CAMK4: variants seen among roughly 807,000 people sequenced by gnomAD.
CAMK4 encodes the protein calcium/calmodulin dependent protein kinase IV.
In CAMK4, 22 loss-of-function variants were observed where a neutral mutation model predicts 44.9. That is an observed-to-expected ratio of 0.49 (90% confidence interval 0.35 to 0.70). The LOEUF (loss-of-function observed/expected upper bound fraction) is 0.70. Among genes scored for constraint, CAMK4 ranks in the 30% least tolerant of loss-of-function variants. CAMK4 has a pLI of 0.01. For synonymous variants in CAMK4, 218 were observed against 215.4 expected, an observed-to-expected ratio of 1.01 and a Z score of -0.11; for missense variants, 498 against 586.8, an observed-to-expected ratio of 0.85 and a Z score of 1.56.
At chr5:111,300,721 T>G (rs1580551583) in intron 1 of CAMK4, among the ~76,000 whole-genome samples, 1 of 152,154 alleles carries the variant, frequency 6.6e-6, no homozygotes, top group Admixed American at 6.5e-5. Flanking sequence ...CTATTTTAAA[T>G]TGGCTGGAGA....
intron 5 of CAMK4, among the ~76,000 whole-genome samples, chr5:111,399,609 G>T (rs1752148349): frequency 6.6e-6 from 1 of 152,118 alleles, no homozygotes; most frequent in African/African-American, 2.4e-5. Flanking sequence ...AAAACATGAA[G>T]AAAGAGCCAT....
intron 1 of CAMK4, among the ~76,000 whole-genome samples, chr5:111,228,506 A>AGG (rs1287969291): frequency 1.2e-4 from 11 of 91,170 alleles, no homozygotes; most frequent in South Asian, 3.6e-4. Flanking sequence ...TTCCATAGTA[A>AGG]GGGGTGTGTG....
At chr5:111,325,476 C>A (rs1467464945) in intron 1 of CAMK4, among the ~76,000 whole-genome samples, 1 of 152,126 alleles carries the variant, frequency 6.6e-6, no homozygotes. Context: ...TACACTCTCA[C>A]CAACGATGTA....
intron 7 of CAMK4, among the ~76,000 whole-genome samples, chr5:111,471,479 C>T (rs190272684): frequency 6.6e-6 from 1 of 152,158 alleles, no homozygotes; most frequent in African/African-American, 2.4e-5. Context: ...TTTTATAAAG[C>T]CTCAGTGATT....
At chr5:111,419,228 G>A (rs1752930120) in intron 5 of CAMK4, among the ~76,000 whole-genome samples, 1 of 152,186 alleles carries the variant, frequency 6.6e-6, no homozygotes, top group South Asian at 2.1e-4. Flanking sequence ...TCTTTTGGCT[G>A]CATAAATATC....
intron 6 of CAMK4, among the ~76,000 whole-genome samples, 177 bp from the exon 7 acceptor site, chr5:111,448,952 A>G (rs957745774): frequency 2.0e-5 from 3 of 152,220 alleles, no homozygotes; most frequent in African/African-American, 4.8e-5. Flanking sequence ...AAAGAAACAC[A>G]TGGATTGTTT....
chr5:111,446,014 A>T (rs1754015755), intron 5 of CAMK4, among the ~76,000 whole-genome samples: 1 of 152,240 alleles, frequency 6.6e-6, no homozygotes. Context: ...TGTTGCATGT[A>T]TGCTTATACG....
chr5:111,413,578 A>G (rs1160771783), intron 5 of CAMK4, among the ~76,000 whole-genome samples: 1 of 39,598 alleles, frequency 2.5e-5, no homozygotes, highest in Non-Finnish European at 5.0e-5. Flanking sequence ...CTCCATCTCA[A>G]AAAAAAAAAA....
At chr5:111,353,569 T>TTTAAAATC (rs1750202760) in intron 2 of CAMK4, among the ~76,000 whole-genome samples, 1 of 152,136 alleles carries the variant, frequency 6.6e-6, no homozygotes, top group African/African-American at 2.4e-5. Flanking sequence ...AAATTGTCTC[T>TTTAAAATC]GTAGATTATA....
At chr5:111,442,881 G>A (rs1359081038) in intron 5 of CAMK4, among the ~76,000 whole-genome samples, 1 of 148,886 alleles carries the variant, frequency 6.7e-6, no homozygotes, top group African/African-American at 2.5e-5. Context: ...AAATTAATAG[G>A]CATTTTAATT....
At chr5:111,243,013 T>C (rs1406015807) in intron 1 of CAMK4, among the ~76,000 whole-genome samples, 2 of 152,174 alleles carry the variant, frequency 1.3e-5, no homozygotes, top group Non-Finnish European at 2.9e-5. Flanking sequence ...ACACCTGGAT[T>C]GGGAGCTCCT....
intron 1 of CAMK4, among the ~76,000 whole-genome samples, chr5:111,248,975 G>C (rs1442707890): frequency 6.8e-6 from 1 of 147,178 alleles, no homozygotes; most frequent in Non-Finnish European, 1.5e-5. Context: ...TGTGTGGGGG[G>C]GTCACCTTAA....
At chr5:111,316,670 G>A (rs1748437575) in intron 1 of CAMK4, among the ~76,000 whole-genome samples, 1 of 152,132 alleles carries the variant, frequency 6.6e-6, no homozygotes, top group African/African-American at 2.4e-5. Flanking sequence ...TTTTAAAAAA[G>A]AGTTTTCTTA....
chr5:111,303,265 G>A (rs1747811429), intron 1 of CAMK4, among the ~76,000 whole-genome samples: 1 of 134,500 alleles, frequency 7.4e-6, no homozygotes, highest in Non-Finnish European at 1.5e-5. Context: ...GACGAGCTGA[G>A]AGAAGAAGGC....
intron 7 of CAMK4, among the ~76,000 whole-genome samples, chr5:111,468,965 G>A (rs1580794586): frequency 1.3e-5 from 2 of 149,918 alleles, no homozygotes; most frequent in Non-Finnish European, 1.5e-5. Flanking sequence ...GTGACAGAGC[G>A]AGATTCTGTC....
chr5:111,380,022 C>T (rs1001322762), intron 4 of CAMK4, among the ~76,000 whole-genome samples: 3 of 152,020 alleles, frequency 2.0e-5, no homozygotes, highest in Non-Finnish European at 4.4e-5. Flanking sequence ...GAAGAAAGCT[C>T]CCATGAAGTT....
chr5:111,385,796 C>CG (rs1484121477), intron 4 of CAMK4, among the ~76,000 whole-genome samples: 3 of 152,090 alleles, frequency 2.0e-5, no homozygotes, highest in Admixed American at 1.3e-4. Context: ...AGGATACTCT[C>CG]GATCTCCTGA....
At chr5:111,355,352 T>G (rs1750293919) in intron 2 of CAMK4, among the ~76,000 whole-genome samples, 1 of 152,140 alleles carries the variant, frequency 6.6e-6, no homozygotes, top group Admixed American at 6.6e-5. Context: ...TGTTAAATCT[T>G]GGCCTGATTT....
chr5:111,313,238 C>T (rs1459971766), intron 1 of CAMK4, among the ~76,000 whole-genome samples: 1 of 152,092 alleles, frequency 6.6e-6, no homozygotes, highest in Admixed American at 6.6e-5. Context: ...AGCTCTGTCT[C>T]ACCCCCAGTT....
Sources: gnomAD v4.1 joint callset for allele counts (sites outside exome capture counted in the v4.1 genomes callset) on GRCh38, gnomAD v4.1.1 for gene constraint, MANE v1.5 for transcripts, NCBI Gene and HGNC (gene_info 2026-07-23, HGNC 2026-07-21) for gene names.